SOX5: variants seen among roughly 807,000 people sequenced by gnomAD.
The protein encoded by SOX5 is transcription factor SOX-5.
A neutral mutation model predicts 92.0 loss-of-function variants in SOX5; 9 were observed. The ratio of observed to expected loss-of-function variants is 0.10; its 90% confidence interval spans 0.06 to 0.17. The LOEUF is 0.17. Ranked by LOEUF, SOX5 falls within the 10% of genes least tolerant of loss-of-function variation. The pLI is 1.00. For synonymous variants in SOX5, 344 were observed against 336.3 expected, an observed-to-expected ratio of 1.02 and a Z score of -0.25; for missense variants, 642 against 944.5, an observed-to-expected ratio of 0.68 and a Z score of 4.20.
chr12:24,068,702 GTGTATA>G (rs1398585942), intron 4 of SOX5, among the ~76,000 whole-genome samples: 13 of 52,982 alleles, frequency 2.5e-4, no homozygotes, highest in African/African-American at 7.4e-4. Flanking sequence ...GTGTGTGTGT[GTGTATA>G]TATATATATA....
chr12:23,909,683 G>C (rs1405332660), intron 1 of SOX5, among the ~76,000 whole-genome samples: 1 of 152,094 alleles, frequency 6.6e-6, no homozygotes, highest in Non-Finnish European at 1.5e-5. Context: ...TCCTGTCAAA[G>C]AACATAGTTA....
chr12:24,159,353 C>T (rs1205243264), intron 4 of SOX5, among the ~76,000 whole-genome samples: 6 of 151,890 alleles, frequency 4.0e-5, no homozygotes, highest in African/African-American at 9.7e-5. Flanking sequence ...ACAAATTCAA[C>T]TCTCTGTTCT....
intron 3 of SOX5, among the ~76,000 whole-genome samples, chr12:23,759,028 CAG>C (rs1183167670): frequency 0.012 from 899 of 73,064 alleles, 15 homozygotes; most frequent in African/African-American, 0.041. Context: ...CACACACACA[CAG>C]ACACACACAC....
intron 4 of SOX5, among the ~76,000 whole-genome samples, chr12:24,122,956 T>A (rs1442538066): frequency 6.6e-6 from 1 of 152,222 alleles, no homozygotes; most frequent in African/African-American, 2.4e-5. Context: ...GCAAGTTCAA[T>A]GTCAACCAAG....
chr12:24,014,202 T>C (rs928048734), intron 4 of SOX5, among the ~76,000 whole-genome samples: 2 of 152,228 alleles, frequency 1.3e-5, no homozygotes, highest in African/African-American at 2.4e-5. Flanking sequence ...GTTTAATCAA[T>C]GCACTCTATG....
intron 1 of SOX5, among the ~76,000 whole-genome samples, chr12:23,919,885 T>C (rs1284262459): frequency 6.6e-6 from 1 of 152,212 alleles, no homozygotes; most frequent in African/African-American, 2.4e-5. Flanking sequence ...TTGTACCAGT[T>C]ATGAATGAGT....
intron 1 of SOX5, among the ~76,000 whole-genome samples, chr12:24,555,228 C>T (rs1015390531): frequency 2.6e-5 from 4 of 152,150 alleles, no homozygotes; most frequent in South Asian, 2.1e-4. Flanking sequence ...ACTTCCAGTG[C>T]GTTGCTACTC....
At chr12:24,010,723 T>G (rs1002747555) in intron 4 of SOX5, among the ~76,000 whole-genome samples, 3 of 152,088 alleles carry the variant, frequency 2.0e-5, no homozygotes, top group Non-Finnish European at 2.9e-5. Flanking sequence ...TCACTTGCGG[T>G]CAGGGGCTCA....
At chr12:24,207,955 T>C (rs1356691480) in intron 4 of SOX5, among the ~76,000 whole-genome samples, 1 of 152,218 alleles carries the variant, frequency 6.6e-6, no homozygotes, top group Non-Finnish European at 1.5e-5. Context: ...TCATGCCCTC[T>C]GACAAAAATT....
chr12:24,045,215 C>T (rs760856631), intron 4 of SOX5, among the ~76,000 whole-genome samples: 7 of 152,216 alleles, frequency 4.6e-5, no homozygotes, highest in Non-Finnish European at 1.0e-4. Context: ...TAAGTTACTT[C>T]ACCTCCCAGT....
intron 4 of SOX5, among the ~76,000 whole-genome samples, chr12:24,116,973 C>CAAA (rs3031105): frequency 1.0e-4 from 13 of 126,886 alleles, no homozygotes; most frequent in Admixed American, 2.4e-4. Flanking sequence ...TCTAAAAATG[C>CAAA]AAAAAAAAAA....
At chr12:23,936,164 G>C (rs1436261483) in intron 1 of SOX5, among the ~76,000 whole-genome samples, 2 of 150,976 alleles carry the variant, frequency 1.3e-5, no homozygotes, top group South Asian at 2.1e-4. Context: ...CATATGTATA[G>C]AGAAAGTTTG....
rs1468734416 is a variant in SOX5, at chr12:24,380,353, C to T, written c.-250-11714G>A. ...TAACAGAATTCCTTTGTTTTGATGT[C>T]GGATTATCAAACTGCATCTTTAAAG... is the stretch of plus-strand genomic sequence containing the variant. On this transcript the variant is annotated intron_variant, in intron 1 of 4. Coordinates refer to the SOX5 transcript ENST00000446891. Among the ~76,000 whole-genome samples, 5 of 152,282 alleles carry T rather than the reference C, an allele frequency of 3.3e-5. No individual in the cohort carries two copies. In the East Asian group the frequency reaches 5.8e-4, roughly 18 times the overall value.
chr12:23,750,129 T>C (rs2099238983), intron 4 of SOX5, among the ~76,000 whole-genome samples: 1 of 151,908 alleles, frequency 6.6e-6, no homozygotes, highest in African/African-American at 2.4e-5. Flanking sequence ...CTGCTAAGCA[T>C]TACATAAAAA....
At chr12:23,677,348 CGTT>C (rs529662346) in intron 6 of SOX5, among the ~76,000 whole-genome samples, 116 of 152,182 alleles carry the variant, frequency 7.6e-4, no homozygotes, top group African/African-American at 2.6e-3. Flanking sequence ...AAAAAACAAA[CGTT>C]GATTACTCAT....
chr12:23,530,046 T>A lies in SOX5; in HGVS notation c.*4173A>T, dbSNP rs763519286. 1 of 152,192 alleles carries A rather than the reference T, an allele frequency of 6.6e-6. No individual in the cohort carries two copies. The highest frequency in any genetic ancestry group is 1.5e-5 in the Non-Finnish European group (1 of 68,028). The allele number at this position is 152,192 out of a possible 1,614,324, so 9.4% of individuals were successfully genotyped here. A position where few individuals can be genotyped will look rare whatever the true frequency, so the allele number is the denominator to read the frequency against. ...CGTCTTCAACCTGGGAAGTTGATAG[T>A]TATAGGATACTTTAAAATTAAATAC... On this transcript the variant is annotated 3_prime_UTR_variant, in exon 15 of 15. Transcript: ENST00000451604.
intron 8 of SOX5, among the ~76,000 whole-genome samples, chr12:23,631,790 G>T (rs528124025): frequency 2.9e-4 from 44 of 152,232 alleles, no homozygotes; most frequent in African/African-American, 1.0e-3. Context: ...TGATGTTTCT[G>T]TCAGCATGTA....
intron 2 of SOX5, among the ~76,000 whole-genome samples, chr12:23,864,873 A>T (rs1450596192): frequency 6.6e-6 from 1 of 152,220 alleles, no homozygotes; most frequent in Non-Finnish European, 1.5e-5. Flanking sequence ...ATACAAAAAC[A>T]CAGATCTTCA....
chr12:23,816,564 G>A (rs957968528), intron 3 of SOX5, among the ~76,000 whole-genome samples: 2 of 152,080 alleles, frequency 1.3e-5, no homozygotes, highest in Non-Finnish European at 2.9e-5. Context: ...TGGTAGAGGG[G>A]AAACCTGAAC....
Sources: allele counts gnomAD v4.1 joint callset (sites outside exome capture counted in the v4.1 genomes callset), GRCh38; gene constraint gnomAD v4.1.1; transcripts MANE v1.5; gene names NCBI Gene and HGNC (gene_info 2026-07-23, HGNC 2026-07-21).